The following USP10 variants were observed in gnomAD, a reference collection of about 807,000 sequenced individuals.
USP10 encodes the protein ubiquitin specific peptidase 10.
A neutral mutation model predicts 84.5 loss-of-function variants in USP10; 22 were observed. The observed-to-expected ratio is 0.26, with a 90% CI of 0.19 to 0.37. The LOEUF (loss-of-function observed/expected upper bound fraction) is 0.37. Ranked by LOEUF, USP10 falls within the 10% of genes least tolerant of loss-of-function variation. USP10 has a pLI of 1.00. For synonymous variants in USP10, 454 were observed against 387.6 expected (o/e 1.17, Z -2.01); for missense variants, 1,019 against 998.9 (o/e 1.02, Z -0.27).
intron 2 of USP10, among the ~76,000 whole-genome samples, chr16:84,736,308 A>T (rs1597334089): frequency 6.6e-6 from 1 of 152,232 alleles, no homozygotes; most frequent in African/African-American, 2.4e-5. Flanking sequence ...AACCAAAATT[A>T]AGAAATGTGG....
Position 84,760,162 on chromosome 16 carries a change from T to C in USP10, c.1451-10T>C, listed in dbSNP as rs778644497. ...TAGTTAGGAAAACCTGTGTCCTCTTTCCATTGCAGCTCTTGGAGATAAAAT... is the reference window on the plus strand; with the variant it reads ...TAGTTAGGAAAACCTGTGTCCTCTTCCCATTGCAGCTCTTGGAGATAAAAT... On this transcript the variant is annotated splice_polypyrimidine_tract_variant and intron_variant, in intron 7 of 13. Coordinates refer to ENST00000219473, the MANE Select transcript of USP10 (RefSeq NM_005153.3). 5.9e-5 allele frequency: 94 copies of C among 1,597,808 alleles called. No individual in the cohort carries two copies. In the African/African-American group the frequency reaches 8.4e-4, roughly 14 times the overall value.
Position 84,706,850 on chromosome 16 carries a change from A to G in USP10, c.21+6739A>G, listed in dbSNP as rs112250763. Among the ~76,000 whole-genome samples, 219 of 152,084 alleles carry G rather than the reference A, an allele frequency of 1.4e-3. 2 individuals are homozygous for G. Among genetic ancestry groups the G allele is most frequent in the African/African-American group, 3.4e-3 (142 of 41,522 alleles). On this transcript the variant is annotated intron_variant, in intron 1 of 13. Transcript: ENST00000219473. ...CCACCGCGCCGGGCCAAGACTATAT[A>G]TATATTTATTCAAGACCTGAAGTAG...
intron 12 of USP10, among the ~76,000 whole-genome samples, chr16:84,773,573 C>G (rs1425837362): frequency 3.3e-5 from 5 of 152,214 alleles, no homozygotes; most frequent in African/African-American, 1.2e-4. Context: ...CAGGCCTGCA[C>G]ACAAGAGCTG....
At position 84,772,704 on chromosome 16, in the gene USP10, C is replaced by A; in HGVS notation, c.2143+19C>A. On this transcript the variant is annotated intron_variant, in intron 12 of 13. Coordinates refer to ENST00000219473, the MANE Select transcript of USP10 (RefSeq NM_005153.3). The stretch of plus-strand genomic sequence containing the variant: ...AGTAAAGGTAATGCATACATAAGGT[C>A]GGGAGTGTTCGTGGTGACACACTCC... 1.9e-6 allele frequency: 3 copies of A among 1,612,696 alleles called. No individual in the cohort carries two copies. Among genetic ancestry groups the A allele is most frequent in the Non-Finnish European group, 2.5e-6 (3 of 1,178,982 alleles).
intron 2 of USP10, among the ~76,000 whole-genome samples, chr16:84,739,725 G>T (rs1389172372): frequency 6.6e-6 from 1 of 152,214 alleles, no homozygotes; most frequent in Non-Finnish European, 1.5e-5. Flanking sequence ...TTCCCATTCT[G>T]CTTTCTGTCT....
chr16:84,705,902 A>T (rs908322914), intron 1 of USP10, among the ~76,000 whole-genome samples: 1 of 151,584 alleles, frequency 6.6e-6, no homozygotes, highest in South Asian at 2.1e-4. Flanking sequence ...TTGTATTTTT[A>T]GTAGAAACGG....
At chr16:84,748,291 A>T (rs1331393830) in intron 4 of USP10, among the ~76,000 whole-genome samples, 2 of 151,762 alleles carry the variant, frequency 1.3e-5, no homozygotes. Flanking sequence ...GTTCGAAGTC[A>T]TGAGAATTTT....
intron 10 of USP10, among the ~76,000 whole-genome samples, chr16:84,765,112 A>G (rs906373506): frequency 6.6e-6 from 1 of 151,628 alleles, no homozygotes; most frequent in African/African-American, 2.4e-5. Context: ...GTGTTTTGGT[A>G]AGAGAAGACA....
chr16:84,729,214 G>A (rs1567606854), intron 1 of USP10, among the ~76,000 whole-genome samples: 1 of 152,180 alleles, frequency 6.6e-6, no homozygotes, highest in Non-Finnish European at 1.5e-5. Flanking sequence ...CTTCACATTT[G>A]TATGGATTAT....
intron 1 of USP10, among the ~76,000 whole-genome samples, chr16:84,703,760 G>A (rs540394504): frequency 3.3e-5 from 5 of 152,180 alleles, no homozygotes; most frequent in Non-Finnish European, 7.3e-5. Context: ...TGAGAAGTTT[G>A]TGAGCCAGTG....
At position 84,775,245 on chromosome 16, in the gene USP10, A is replaced by G; in HGVS notation, c.2209+20A>G. 6.2e-7 allele frequency: 1 copy of G among 1,610,622 alleles called. No individual in the cohort carries two copies. The highest frequency in any genetic ancestry group is 8.5e-7 in the Non-Finnish European group (1 of 1,176,874). Reference sequence around the variant, plus strand: ...TTGCAGGTGAGTAAATTTGTACGACATTACTTCTTCATTAAAACACTGATG... The same window carrying G: ...TTGCAGGTGAGTAAATTTGTACGACGTTACTTCTTCATTAAAACACTGATG... On this transcript the variant is annotated intron_variant, in intron 13 of 13. Coordinates refer to ENST00000219473, the MANE Select transcript of USP10 (RefSeq NM_005153.3).
chr16:84,709,760 A>G (rs1255307166), intron 1 of USP10, among the ~76,000 whole-genome samples: 5 of 152,134 alleles, frequency 3.3e-5, no homozygotes, highest in Non-Finnish European at 7.4e-5. Context: ...TTTGAGCTGG[A>G]GTTTTTCAGG....
intron 11 of USP10, among the ~76,000 whole-genome samples, chr16:84,771,449 C>A (rs1914440328): frequency 6.6e-6 from 1 of 152,012 alleles, no homozygotes; most frequent in Non-Finnish European, 1.5e-5. Flanking sequence ...GAGTCCTCAT[C>A]ATGCCACTGC....
intron 2 of USP10, among the ~76,000 whole-genome samples, chr16:84,737,197 C>G (rs973874708): frequency 2.6e-5 from 4 of 152,242 alleles, no homozygotes; most frequent in Non-Finnish European, 5.9e-5. Flanking sequence ...CAGAACATGA[C>G]CTTCCTATAG....
At chr16:84,708,478 C>T (rs146850629) in intron 1 of USP10, among the ~76,000 whole-genome samples, 116 of 152,304 alleles carry the variant, frequency 7.6e-4, no homozygotes, top group African/African-American at 2.6e-3. Context: ...GTCTGATTCA[C>T]ATTCAGATTC....
chr16:84,701,739 G>A (rs975878336), intron 1 of USP10, among the ~76,000 whole-genome samples: 1 of 152,084 alleles, frequency 6.6e-6, no homozygotes, highest in Admixed American at 6.5e-5. Flanking sequence ...TGCATTCATT[G>A]TCCCAGTATT....
At chr16:84,706,590 G>T (rs1905547645) in intron 1 of USP10, among the ~76,000 whole-genome samples, 2 of 150,396 alleles carry the variant, frequency 1.3e-5, no homozygotes, top group Non-Finnish European at 3.0e-5. Flanking sequence ...ACCCAGGCTG[G>T]AGTGCAGTGG....
intron 7 of USP10, 86 bp downstream of exon 7, chr16:84,760,032 T>G: frequency 6.4e-7 from 1 of 1,557,380 alleles, no homozygotes. Flanking sequence ...TCAGTCTTGT[T>G]GGGAAGATAG....
chr16:84,713,457 A>G (rs974067256), intron 1 of USP10, among the ~76,000 whole-genome samples: 1 of 151,762 alleles, frequency 6.6e-6, no homozygotes, highest in African/African-American at 2.4e-5. Context: ...CTAATACCCT[A>G]CATACCCGCT....
Sources: gnomAD v4.1 joint callset for allele counts (sites outside exome capture counted in the v4.1 genomes callset) on GRCh38, gnomAD v4.1.1 for gene constraint, MANE v1.5 for transcripts, NCBI Gene and HGNC (gene_info 2026-07-23, HGNC 2026-07-21) for gene names.